FAM13C: variants seen among roughly 807,000 people sequenced by gnomAD.
The protein encoded by FAM13C is protein FAM13C.
Under a neutral mutation model 73.2 loss-of-function variants are expected in FAM13C, and 37 were observed. That is an observed-to-expected ratio of 0.51 (90% confidence interval 0.39 to 0.67). The LOEUF (loss-of-function observed/expected upper bound fraction) is 0.67, where lower values mean the gene tolerates loss of function less well. Among genes scored for constraint, FAM13C ranks in the 30% least tolerant of loss-of-function variants. The pLI is 0.00. For synonymous variants in FAM13C, 246 were observed against 260.9 expected (o/e 0.94, Z 0.55); for missense variants, 589 against 715.6 (o/e 0.82, Z 2.02).
chr10:59,306,101 A>G (rs1848219107), intron 4 of FAM13C, among the ~76,000 whole-genome samples: 1 of 152,226 alleles, frequency 6.6e-6, no homozygotes, highest in Admixed American at 6.5e-5. Flanking sequence ...TCTAATAGAA[A>G]AAATATTTAC....
chr10:59,319,438 C>T (rs886562161), intron 4 of FAM13C, among the ~76,000 whole-genome samples: 1 of 152,162 alleles, frequency 6.6e-6, no homozygotes, highest in Non-Finnish European at 1.5e-5. Context: ...GGTTTAATGT[C>T]GTCATAAATT....
At chr10:59,333,312 C>A (rs994882811) in intron 3 of FAM13C, among the ~76,000 whole-genome samples, 4 of 152,040 alleles carry the variant, frequency 2.6e-5, no homozygotes, top group Non-Finnish European at 5.9e-5. Flanking sequence ...CATGGTGAAA[C>A]CCCGTCTCTA....
intron 5 of FAM13C, among the ~76,000 whole-genome samples, chr10:59,288,958 G>T (rs1845894741): frequency 6.6e-6 from 1 of 152,154 alleles, no homozygotes; most frequent in African/African-American, 2.4e-5. Context: ...TGAGGATCAA[G>T]GAACCCATGA....
chr10:59,253,141 A>C (rs1841571454), intron 11 of FAM13C, 143 bp from the exon 12 acceptor site: 1 of 743,894 alleles, frequency 1.3e-6, no homozygotes, highest in Non-Finnish European at 2.2e-6. Context: ...GGGATGGAAG[A>C]AACCAAGAGG....
At chr10:59,361,220 T>G (rs1856374087) in intron 1 of FAM13C, 1 of 660,046 alleles carries the variant, frequency 1.5e-6, no homozygotes, top group Non-Finnish European at 2.2e-6. Context: ...CTGTTTTTTT[T>G]TTTAAGTGAC....
chr10:59,351,854 G>A (rs930219393), intron 3 of FAM13C, among the ~76,000 whole-genome samples: 3 of 152,120 alleles, frequency 2.0e-5, no homozygotes, highest in African/African-American at 7.2e-5. Context: ...AAATTAGCCA[G>A]GCATGGTGGC....
At chr10:59,345,290 C>T (rs568806882) in intron 3 of FAM13C, among the ~76,000 whole-genome samples, 28 of 152,256 alleles carry the variant, frequency 1.8e-4, no homozygotes, top group East Asian at 3.9e-4. Flanking sequence ...TTATGCAATG[C>T]GGCCCTGAGT....
At chr10:59,250,609 T>C (rs944128836) in intron 13 of FAM13C, among the ~76,000 whole-genome samples, 2 of 152,106 alleles carry the variant, frequency 1.3e-5, no homozygotes, top group Admixed American at 6.6e-5. Flanking sequence ...TTTTGGAAAA[T>C]AGTCCCTTTC....
chr10:59,359,103 A>G (rs901967681), intron 1 of FAM13C, among the ~76,000 whole-genome samples: 22 of 152,226 alleles, frequency 1.4e-4, no homozygotes, highest in African/African-American at 5.3e-4. Context: ...TCAATCAGCC[A>G]CAAACAAGAA....
intron 13 of FAM13C, among the ~76,000 whole-genome samples, chr10:59,249,640 G>A (rs1386114927): frequency 2.6e-5 from 4 of 152,100 alleles, no homozygotes; most frequent in Non-Finnish European, 5.9e-5. Flanking sequence ...CATTTGCATG[G>A]TTATTTTAAC....
In FAM13C at chr10:59,308,566, C is replaced by CCAGCAT. The variant is rs374225678; in HGVS notation, c.444-5703_444-5702insATGCTG. On this transcript the variant is annotated intron_variant, in intron 4 of 13. Coordinates refer to ENST00000618804, the MANE Select transcript of FAM13C (RefSeq NM_198215.4). ...CCACCACCACCACCAGCACCACCAA[C>CCAGCAT]CACCATCACCACCACCAGCACCACC... 9.2e-4 allele frequency among the ~76,000 whole-genome samples: 104 copies of CCAGCAT among 112,688 alleles called. 1 individual carries two copies. Among genetic ancestry groups the CCAGCAT allele is most frequent in the South Asian group, 4.8e-3 (15 of 3,142 alleles). The allele number at this position is 112,688 out of a possible 152,430, so 73.9% of individuals were successfully genotyped here.
intron 4 of FAM13C, among the ~76,000 whole-genome samples, chr10:59,306,711 A>C (rs1848303618): frequency 6.6e-6 from 1 of 152,206 alleles, no homozygotes. Flanking sequence ...CCCCATCTCT[A>C]CTAAAATACA....
intron 6 of FAM13C, among the ~76,000 whole-genome samples, chr10:59,273,771 A>G: frequency 6.6e-6 from 1 of 152,156 alleles, no homozygotes; most frequent in East Asian, 1.9e-4. Flanking sequence ...AGAAGTTACT[A>G]TCAGTGTGTG....
intron 4 of FAM13C, among the ~76,000 whole-genome samples, chr10:59,306,235 TA>T (rs1248553784): frequency 2.6e-5 from 4 of 152,170 alleles, no homozygotes; most frequent in Non-Finnish European, 5.9e-5. Context: ...AGCAGAAATA[TA>T]CTTTGTTAAA....
At chr10:59,336,950 G>T (rs901543848) in intron 3 of FAM13C, among the ~76,000 whole-genome samples, 6 of 152,068 alleles carry the variant, frequency 3.9e-5, no homozygotes, top group Admixed American at 6.5e-5. Context: ...GACAAATTAG[G>T]TGGCAGCTCT....
intron 6 of FAM13C, among the ~76,000 whole-genome samples, chr10:59,274,660 A>G (rs1229571527): frequency 6.6e-6 from 1 of 152,196 alleles, no homozygotes; most frequent in Admixed American, 6.5e-5. Flanking sequence ...GAAGACCCAG[A>G]TTCTCGTCCC....
rs191383895 is a variant in FAM13C, at chr10:59,311,328, T to G, written c.444-8464A>C. On this transcript the variant is annotated intron_variant, in intron 4 of 13. Coordinates refer to ENST00000618804, the MANE Select transcript of FAM13C (RefSeq NM_198215.4). ...TGAACCATAAAGAACACATTTTGGA[T>G]GGAATATTGAGGACACAGGATCCAG... Among the ~76,000 whole-genome samples, 230 of 152,248 alleles carry G rather than the reference T, an allele frequency of 1.5e-3. 2 individuals carry two copies. Among genetic ancestry groups the G allele is most frequent in the Admixed American group, 0.014 (220 of 15,290 alleles).
At chr10:59,321,862 A>C (rs1850349577) in intron 4 of FAM13C, among the ~76,000 whole-genome samples, 1 of 152,116 alleles carries the variant, frequency 6.6e-6, no homozygotes, top group Admixed American at 6.6e-5. Flanking sequence ...GCCTCTTGCT[A>C]CAGAGAGATC....
intron 13 of FAM13C, among the ~76,000 whole-genome samples, chr10:59,248,936 A>G (rs1313283138): frequency 2.0e-5 from 3 of 152,206 alleles, no homozygotes; most frequent in African/African-American, 4.8e-5. Flanking sequence ...TATATAACAT[A>G]TATCTTTGCC....
Sources: allele counts gnomAD v4.1 joint callset (sites outside exome capture counted in the v4.1 genomes callset), GRCh38; gene constraint gnomAD v4.1.1; transcripts MANE v1.5; gene names NCBI Gene and HGNC (gene_info 2026-07-23, HGNC 2026-07-21).